The following SPRED2 variants were observed in gnomAD, a reference collection of about 807,000 sequenced individuals.
SPRED2 encodes sprouty-related, EVH1 domain-containing protein 2.
SPRED2 carries 47 observed loss-of-function variants against 43.0 expected under a neutral mutation model. The observed-to-expected ratio is 1.09, with a 90% CI of 0.87 to 1.40. SPRED2 has a LOEUF of 1.40. SPRED2 is among the 40% of genes most tolerant of loss of function. The pLI, the probability that SPRED2 is intolerant of heterozygous loss-of-function variation, is 0.00. For missense variants in SPRED2, 561 were observed against 586.4 expected, an observed-to-expected ratio of 0.96 and a Z score of 0.45; for synonymous variants, 225 against 225.7, an observed-to-expected ratio of 1.00 and a Z score of 0.03.
intron 1 of SPRED2, among the ~76,000 whole-genome samples, chr2:65,408,686 T>G (rs1463641442): frequency 6.6e-6 from 1 of 151,832 alleles, no homozygotes; most frequent in Non-Finnish European, 1.5e-5. Flanking sequence ...GATCAAGCAA[T>G]TCTTCTGCCT....
intron 1 of SPRED2, among the ~76,000 whole-genome samples, chr2:65,368,281 C>A (rs1675036166): frequency 6.6e-6 from 1 of 152,220 alleles, no homozygotes; most frequent in Non-Finnish European, 1.5e-5. Context: ...CAAATTACAA[C>A]CTCACTAATC....
At chr2:65,370,688 T>C (rs1284666848) in intron 1 of SPRED2, among the ~76,000 whole-genome samples, 3 of 152,184 alleles carry the variant, frequency 2.0e-5, no homozygotes, top group African/African-American at 7.2e-5. Flanking sequence ...TAGTTCACAC[T>C]TTCCTTATAA....
chr2:65,357,470 T>C (rs1449305921), intron 1 of SPRED2, among the ~76,000 whole-genome samples: 1 of 152,210 alleles, frequency 6.6e-6, no homozygotes, highest in African/African-American at 2.4e-5. Flanking sequence ...AAGGGACTTG[T>C]TCAAGGTCAC....
chr2:65,355,234 T>C (rs1674615085), intron 1 of SPRED2, among the ~76,000 whole-genome samples: 1 of 152,200 alleles, frequency 6.6e-6, no homozygotes, highest in Non-Finnish European at 1.5e-5. Context: ...GGGGCCTCTG[T>C]ATCAGTCACG....
In SPRED2 at chr2:65,311,972, A is replaced by G; in HGVS notation, c.*1529T>C. 1.0e-6 allele frequency: 1 copy of G among 985,348 alleles called. No homozygotes were observed. The highest frequency in any genetic ancestry group is 1.2e-6 in the Non-Finnish European group (1 of 829,942). The allele number at this position is 985,348 out of a possible 1,614,324, so 61.0% of individuals were successfully genotyped here. A position where few individuals can be genotyped will look rare whatever the true frequency, so the allele number is the denominator to read the frequency against. ...CAGGCCATGTCTTCTGCTGGCCGCT[A>G]CCACAGAAAGATCGTGGCGGGAAGA... On this transcript the variant is annotated 3_prime_UTR_variant, in exon 6 of 6. Transcript: ENST00000356388.
intron 1 of SPRED2, among the ~76,000 whole-genome samples, chr2:65,423,387 A>C (rs1241056166): frequency 6.6e-6 from 1 of 152,222 alleles, no homozygotes; most frequent in Non-Finnish European, 1.5e-5. Context: ...TCAGAATCTC[A>C]AAAAGCACAG....
intron 2 of SPRED2, among the ~76,000 whole-genome samples, chr2:65,335,526 C>G (rs1432939754): frequency 6.6e-6 from 1 of 152,290 alleles, no homozygotes; most frequent in East Asian, 1.9e-4. Context: ...CAAGAACATG[C>G]TCTGAAAACA....
chr2:65,387,037 G>T (rs1330024017), intron 1 of SPRED2, among the ~76,000 whole-genome samples: 9 of 149,596 alleles, frequency 6.0e-5, no homozygotes, highest in Non-Finnish European at 1.0e-4. Flanking sequence ...ACACTTCAAC[G>T]TAAAGTATTC....
rs1215093074 is a variant in SPRED2, at chr2:65,334,358, C to T, written c.373+247G>A. 1.0e-5 allele frequency: 6 copies of T among 597,478 alleles called. No homozygotes were observed. In the Admixed American group the frequency reaches 1.3e-4, roughly 13 times the overall value. 37.0% of individuals were successfully genotyped at this position (597,478 alleles called of 1,614,324 possible). A position where few individuals can be genotyped will look rare whatever the true frequency, so the allele number is the denominator to read the frequency against. On this transcript the variant is annotated intron_variant, in intron 3 of 5. Transcript: ENST00000356388. ...CATGCACATGGAAATCCAGAACCTG[C>T]CTGTTTTTTCACAGCAGAGTCTAAA...
At chr2:65,347,991 G>C (rs543982935) in intron 1 of SPRED2, among the ~76,000 whole-genome samples, 3 of 152,036 alleles carry the variant, frequency 2.0e-5, no homozygotes, top group Non-Finnish European at 2.9e-5. Flanking sequence ...AAAATAGAAA[G>C]GTAAGTCAGA....
At chr2:65,374,842 A>G (rs1675201804) in intron 1 of SPRED2, among the ~76,000 whole-genome samples, 1 of 152,244 alleles carries the variant, frequency 6.6e-6, no homozygotes, top group African/African-American at 2.4e-5. Context: ...CATTCTGCAT[A>G]GGGGAGGCAT....
intron 4 of SPRED2, among the ~76,000 whole-genome samples, chr2:65,322,246 CTCTCTCTCTCTCTCTCTCTCTCTCTA>C (rs1243085559): frequency 1.4e-5 from 1 of 70,542 alleles, no homozygotes; most frequent in Non-Finnish European, 2.6e-5. Flanking sequence ...CTCTCTCTCT[CTCTCTCTCTCTCTCTCTCTCTCTCTA>C]TATATATATA....
intron 1 of SPRED2, among the ~76,000 whole-genome samples, chr2:65,361,589 A>G (rs535384525): frequency 6.6e-6 from 1 of 152,362 alleles, no homozygotes; most frequent in African/African-American, 2.4e-5. Flanking sequence ...TCAGTTGTAA[A>G]GATTAAACAC....
chr2:65,380,782 TAC>T (rs1675353870), intron 1 of SPRED2: 1 of 152,168 alleles, frequency 6.6e-6, no homozygotes, highest in South Asian at 2.1e-4. Flanking sequence ...AACATTCAAA[TAC>T]AGACGTATGT....
intron 2 of SPRED2, among the ~76,000 whole-genome samples, chr2:65,335,577 A>G (rs1673940567): frequency 1.3e-5 from 2 of 152,202 alleles, no homozygotes; most frequent in South Asian, 4.1e-4. Context: ...ATTGTCCAGT[A>G]TATCTTCCCT....
At chr2:65,398,896 C>T (rs1288626311) in intron 1 of SPRED2, among the ~76,000 whole-genome samples, 1 of 152,178 alleles carries the variant, frequency 6.6e-6, no homozygotes, top group Admixed American at 6.5e-5. Context: ...GAAGAAGATA[C>T]TTTCACATTC....
At chr2:65,375,805 C>G (rs1198648719) in intron 1 of SPRED2, among the ~76,000 whole-genome samples, 1 of 152,202 alleles carries the variant, frequency 6.6e-6, no homozygotes, top group East Asian at 1.9e-4. Context: ...TTCTCTGCCT[C>G]TTTCTCCACT....
At chr2:65,383,942 T>C (rs979442038) in intron 1 of SPRED2, among the ~76,000 whole-genome samples, 9 of 152,218 alleles carry the variant, frequency 5.9e-5, no homozygotes, top group Non-Finnish European at 7.3e-5. Flanking sequence ...TCATTTGCTG[T>C]AGCTGAGCAG....
intron 4 of SPRED2, among the ~76,000 whole-genome samples, chr2:65,330,596 T>C (rs1477715471): frequency 6.6e-6 from 1 of 152,184 alleles, no homozygotes; most frequent in South Asian, 2.1e-4. Flanking sequence ...GGTACATTTG[T>C]GACAATCGAT....
Sources: gnomAD v4.1 joint callset for allele counts (sites outside exome capture counted in the v4.1 genomes callset) on GRCh38, gnomAD v4.1.1 for gene constraint, MANE v1.5 for transcripts, NCBI Gene and HGNC (gene_info 2026-07-23, HGNC 2026-07-21) for gene names.